Variants in MAMLD1 observed in about 807,000 individuals in gnomAD.
MAMLD1 encodes mastermind-like domain-containing protein 1.
In MAMLD1, 14 loss-of-function variants were observed where a neutral mutation model predicts 45.0. That is an observed-to-expected ratio of 0.31 (90% CI 0.21 to 0.49). The LOEUF (loss-of-function observed/expected upper bound fraction) is 0.49. Ranked by LOEUF, MAMLD1 falls within the 20% of genes least tolerant of loss-of-function variation. The pLI is 0.99. For missense variants in MAMLD1, 543 were observed against 603.6 expected (o/e 0.90, Z 1.05); for synonymous variants, 254 against 247.8 (o/e 1.02, Z -0.24).
At position 150,512,030 on chromosome X, in the gene MAMLD1, T is replaced by C. The variant is rs2037915348; in HGVS notation, c.*71T>C. The C allele has an allele frequency of 9.1e-7, 1 of 1,103,704 alleles. No homozygotes were observed. Among genetic ancestry groups the C allele is most frequent in the Non-Finnish European group, 1.2e-6 (1 of 844,301 alleles). 91.0% of individuals were successfully genotyped at this position (1,103,704 alleles called of 1,213,427 possible). A position where few individuals can be genotyped will look rare whatever the true frequency, so the allele number is the denominator to read the frequency against. On this transcript the variant is annotated 3_prime_UTR_variant, in exon 8 of 8. Coordinates refer to ENST00000370401, the MANE Select transcript of MAMLD1 (RefSeq NM_005491.5). ...CGTCCAAGAACAAGTCACCTCCAAG[T>C]GTAGCCGGATCAAGGCAAGCCCCCC...
rs146434578 is a variant in MAMLD1 at position 150,435,793 on chromosome X, T to C, written c.-63-9661T>C. ...TGGTTATTATACAGGATTTTTTGTG[T>C]GGTTGCTTTATAGTGTCACTGGTCT... On this transcript the variant is annotated intron_variant, in intron 1 of 7. Coordinates refer to ENST00000370401, the MANE Select transcript of MAMLD1 (RefSeq NM_005491.5). 6.8e-3 allele frequency among the ~76,000 whole-genome samples: 762 copies of C among 112,419 alleles called. 4 individuals carry two copies. The highest frequency in any genetic ancestry group is 0.023 in the African/African-American group (718 of 30,974).
intron 5 of MAMLD1, among the ~76,000 whole-genome samples, chrX:150,491,781 G>A (rs2037195662): frequency 8.9e-6 from 1 of 111,934 alleles, no homozygotes; most frequent in East Asian, 2.8e-4. Context: ...ACAAAAAAGG[G>A]GAGACAGGCA....
At chrX:150,476,497 G>A (rs1233623363) in intron 5 of MAMLD1, among the ~76,000 whole-genome samples, 1 of 112,112 alleles carries the variant, frequency 8.9e-6, no homozygotes, top group African/African-American at 3.2e-5. Context: ...GCAGCCTCTG[G>A]CCAGAGTGCC....
chrX:150,453,697 C>T (rs782725248), intron 2 of MAMLD1, among the ~76,000 whole-genome samples: 1 of 111,837 alleles, frequency 8.9e-6, no homozygotes, highest in Non-Finnish European at 1.9e-5. Flanking sequence ...CCATAGCCTG[C>T]AAGACCCTCT....
chrX:150,494,849 A>C (rs1482624384), intron 5 of MAMLD1, among the ~76,000 whole-genome samples: 2 of 110,281 alleles, frequency 1.8e-5, no homozygotes, highest in African/African-American at 6.6e-5. Context: ...GCACTACTGC[A>C]CTCCAGCCTG....
chrX:150,463,083 C>A (rs1281563746), intron 3 of MAMLD1, among the ~76,000 whole-genome samples: 1 of 112,396 alleles, frequency 8.9e-6, no homozygotes, highest in Non-Finnish European at 1.9e-5. Flanking sequence ...GCTTGTTAGC[C>A]AAATTTAGGT....
At chrX:150,421,325 A>G (rs782749269) in intron 1 of MAMLD1, among the ~76,000 whole-genome samples, 10 of 111,731 alleles carry the variant, frequency 9.0e-5, no homozygotes, top group East Asian at 8.6e-4. Flanking sequence ...ACTGACCTGC[A>G]CCCATTGTCT....
At chrX:150,474,483 G>A (rs912088289) in intron 5 of MAMLD1, among the ~76,000 whole-genome samples, 1 of 112,340 alleles carries the variant, frequency 8.9e-6, no homozygotes, top group African/African-American at 3.2e-5. Context: ...TTGCTGTCAC[G>A]ATGACTCTAC....
intron 1 of MAMLD1, among the ~76,000 whole-genome samples, chrX:150,441,664 G>C (rs1443149575): frequency 2.7e-5 from 3 of 111,271 alleles, no homozygotes; most frequent in African/African-American, 6.5e-5. Context: ...TTTATTATTT[G>C]AATTCTTTTA....
At chrX:150,504,183 C>T (rs1369825855) in intron 6 of MAMLD1, 3 of 752,082 alleles carry the variant, frequency 4.0e-6, no homozygotes, top group East Asian at 1.5e-4. Flanking sequence ...GCTTGACTTG[C>T]CCCCAGAGTC....
chrX:150,511,573 G>A (rs1003105744), intron 7 of MAMLD1, among the ~76,000 whole-genome samples: 12 of 111,925 alleles, frequency 1.1e-4, no homozygotes, highest in Non-Finnish European at 2.3e-4. Flanking sequence ...GCTAGCTCCC[G>A]CCACCAGCCC....
At chrX:150,381,212 A>G (rs1279362393) in intron 1 of MAMLD1, among the ~76,000 whole-genome samples, 1 of 111,772 alleles carries the variant, frequency 8.9e-6, no homozygotes, top group African/African-American at 3.3e-5. Context: ...CTTTATTGTG[A>G]TTTTTAACAG....
At chrX:150,421,898 G>T (rs1054938300) in intron 1 of MAMLD1, among the ~76,000 whole-genome samples, 1 of 112,111 alleles carries the variant, frequency 8.9e-6, no homozygotes, top group African/African-American at 3.2e-5. Flanking sequence ...ATCTGGAGGC[G>T]GTCTAAGATC....
chrX:150,457,214 T>C (rs2124623203), intron 2 of MAMLD1, among the ~76,000 whole-genome samples: 1 of 112,572 alleles, frequency 8.9e-6, no homozygotes, highest in South Asian at 3.7e-4. Context: ...TACATCTGCC[T>C]CTGGTACTAG....
chrX:150,501,737 C>T (rs782547995), intron 5 of MAMLD1, among the ~76,000 whole-genome samples: 249 of 112,128 alleles, frequency 2.2e-3, no homozygotes, highest in South Asian at 9.4e-3. Flanking sequence ...AAAATTTGTC[C>T]GGAGGTCCAC....
intron 5 of MAMLD1, among the ~76,000 whole-genome samples, chrX:150,494,171 G>A (rs1053546567): frequency 2.7e-5 from 3 of 109,519 alleles, no homozygotes; most frequent in South Asian, 4.0e-4. Context: ...CAAGGAGGGC[G>A]GATCACGAGA....
At chrX:150,471,511 G>T in intron 4 of MAMLD1, 21 bp downstream of exon 4, 4 of 1,211,430 alleles carry the variant, frequency 3.3e-6, no homozygotes, top group Non-Finnish European at 4.5e-6. Flanking sequence ...CTCATATCTG[G>T]CTGTGTTCTT....
Position 150,470,896 on chromosome X carries a change from A to T in MAMLD1, c.1323A>T (p.Gly441=). ...LMSSTIKTPQ[G]HLMSALPASN... The stretch of plus-strand genomic sequence containing the variant: ...CCTCTACCATCAAAACCCCTCAAGG[A>T]CACCTGATGTCTGCTCTGCCTGCCA... Residue 441 remains glycine, a synonymous_variant, in exon 4 of 8, where the codon GGA becomes GGT. Transcript: ENST00000370401. The T allele has an allele frequency of 1.7e-6, 2 of 1,211,502 alleles. No individual in the cohort carries two copies. Among genetic ancestry groups the T allele is most frequent in the Non-Finnish European group, 2.2e-6 (2 of 895,491 alleles).
At chrX:150,412,374 C>A (rs1297850763) in intron 1 of MAMLD1, among the ~76,000 whole-genome samples, 1 of 111,032 alleles carries the variant, frequency 9.0e-6, no homozygotes, top group African/African-American at 3.3e-5. Flanking sequence ...ACGGAGAAAC[C>A]ACCTGCACTC....
Sources: gnomAD v4.1 joint callset for allele counts (sites outside exome capture counted in the v4.1 genomes callset) on GRCh38, gnomAD v4.1.1 for gene constraint, MANE v1.5 for transcripts, NCBI Gene and HGNC (gene_info 2026-07-23, HGNC 2026-07-21) for gene names.